Variants in LSM14A observed in about 807,000 individuals in gnomAD.
LSM14A encodes the protein protein LSM14 homolog A.
A neutral mutation model predicts 52.4 loss-of-function variants in LSM14A; 14 were observed. That is an observed-to-expected ratio of 0.27 (90% CI 0.18 to 0.42). The LOEUF is 0.42. Among genes scored for constraint, LSM14A ranks in the 10% least tolerant of loss-of-function variants. The pLI is 1.00. For missense variants in LSM14A, 417 were observed against 581.8 expected, an observed-to-expected ratio of 0.72 and a Z score of 2.91; for synonymous variants, 185 against 200.3, an observed-to-expected ratio of 0.92 and a Z score of 0.64.
At chr19:34,175,874 T>G (rs1044045030) in intron 1 of LSM14A, among the ~76,000 whole-genome samples, 2 of 152,116 alleles carry the variant, frequency 1.3e-5, no homozygotes, top group African/African-American at 4.8e-5. Flanking sequence ...TGTTGTTGTT[T>G]TGAGACAGAG....
Position 34,227,385 on chromosome 19 carries a change from A to G in LSM14A, c.1389A>G (p.Ala463=). The G allele has an allele frequency of 6.3e-7, 1 of 1,597,372 alleles. No homozygotes were observed. The highest frequency in any genetic ancestry group is 8.5e-7 in the Non-Finnish European group (1 of 1,173,620). The change falls in exon 10 of 10, where the codon GCA becomes GCG. Residue 463 remains alanine, a synonymous_variant. Coordinates refer to ENST00000544216, the MANE Select transcript of LSM14A (RefSeq NM_015578.4). Reference sequence around the variant, plus strand: ...TTTAGAAAGACAACAAAGTTGCTGCATAGTCTACAAACAAGTCTCTGAAAA... The same window carrying G: ...TTTAGAAAGACAACAAAGTTGCTGCGTAGTCTACAAACAAGTCTCTGAAAA... The part of the protein sequence containing the change: ...FEYRKDNKVA[A]
intron 8 of LSM14A, chr19:34,221,247 T>C: frequency 2.3e-6 from 1 of 442,682 alleles, no homozygotes; most frequent in Non-Finnish European, 4.1e-6. Flanking sequence ...CATGCCCAGC[T>C]ATTTTTTGTA....
Position 34,221,487 on chromosome 19 carries a change from A to T in LSM14A, c.1137-20A>T. On this transcript the variant is annotated intron_variant, in intron 8 of 9. Coordinates refer to ENST00000544216, the MANE Select transcript of LSM14A (RefSeq NM_015578.4). ...TTCTTTTAAACCTGATATGCTGAAGATTATTTGCTTTTATAATAGAGAACG... is the reference window on the plus strand; with the variant it reads ...TTCTTTTAAACCTGATATGCTGAAGTTTATTTGCTTTTATAATAGAGAACG... 6.2e-7 allele frequency: 1 copy of T among 1,606,708 alleles called. No homozygotes were observed. Among genetic ancestry groups the T allele is most frequent in the Non-Finnish European group, 8.5e-7 (1 of 1,175,994 alleles).
intron 1 of LSM14A, 110 bp downstream of exon 1, chr19:34,172,873 G>T: frequency 7.7e-7 from 1 of 1,291,918 alleles, no homozygotes; most frequent in Non-Finnish European, 1.0e-6. Context: ...GTCGAGCTCC[G>T]GGAGGCCTCT....
At chr19:34,219,322 T>A (rs1210728313) in intron 6 of LSM14A, 69 bp from the exon 7 acceptor site, 1 of 1,022,976 alleles carries the variant, frequency 9.8e-7, no homozygotes, top group East Asian at 2.5e-5. Flanking sequence ...AAGAGCACAA[T>A]AGCAACATCT....
At chr19:34,191,524 C>T (rs1402437964) in intron 1 of LSM14A, among the ~76,000 whole-genome samples, 1 of 151,232 alleles carries the variant, frequency 6.6e-6, no homozygotes, top group African/African-American at 2.4e-5. Flanking sequence ...TCCCTCTTTT[C>T]TTCCCTTCTT....
At chr19:34,213,223 A>G (rs907970740) in intron 4 of LSM14A, among the ~76,000 whole-genome samples, 1 of 151,342 alleles carries the variant, frequency 6.6e-6, no homozygotes, top group African/African-American at 2.5e-5. Context: ...GCCAAAACTT[A>G]CATAAACCAT....
Position 34,227,758 on chromosome 19 carries a change from G to A in LSM14A, c.*370G>A, listed in dbSNP as rs1162708565. On this transcript the variant is annotated 3_prime_UTR_variant, in exon 10 of 10. Coordinates refer to ENST00000544216, the MANE Select transcript of LSM14A (RefSeq NM_015578.4). ...GCAATTGCAAGTTGCCTGCAGATAG[G>A]GCCGTGATACTGTGTTTTGAGCCAC... 4.0e-5 allele frequency: 8 copies of A among 201,466 alleles called. No homozygotes were observed. The South Asian group carries it at 8.5e-4, about 21-fold the overall frequency. 12.5% of individuals were successfully genotyped at this position (201,466 alleles called of 1,614,324 possible).
In LSM14A at chr19:34,177,959, G is replaced by A. The variant is rs150508080; in HGVS notation, c.121+5196G>A. Among the ~76,000 whole-genome samples the A allele has an allele frequency of 3.4e-3, 523 of 152,136 alleles. 5 individuals carry two copies. The highest frequency in any genetic ancestry group is 0.012 in the African/African-American group (495 of 41,490). ...GCGAATCACCTGAAGTCAGAAGCTCGAGACCAGTCTGGCCAACATGGCGAA... is the reference window on the plus strand; with the variant it reads ...GCGAATCACCTGAAGTCAGAAGCTCAAGACCAGTCTGGCCAACATGGCGAA... On this transcript the variant is annotated intron_variant, in intron 1 of 9. Coordinates refer to ENST00000544216, the MANE Select transcript of LSM14A (RefSeq NM_015578.4).
At chr19:34,180,424 A>G (rs117874341) in intron 1 of LSM14A, among the ~76,000 whole-genome samples, 2,631 of 152,262 alleles carry the variant, frequency 0.017, 34 homozygotes, top group South Asian at 0.034. Context: ...CATCTTTTCA[A>G]TAGGGATGGA....
chr19:34,172,942 C>T (rs993406965), intron 1 of LSM14A, among the ~76,000 whole-genome samples, 179 bp downstream of exon 1: 2 of 152,184 alleles, frequency 1.3e-5, no homozygotes, highest in Non-Finnish European at 2.9e-5. Context: ...CCGCGGCTCC[C>T]TGGTTTCCGC....
chr19:34,173,188 T>C (rs535520023), intron 1 of LSM14A, among the ~76,000 whole-genome samples: 119 of 152,362 alleles, frequency 7.8e-4, no homozygotes, highest in Non-Finnish European at 7.3e-5. Flanking sequence ...CTCACTTTGT[T>C]CATTTCAATT....
chr19:34,226,624 A>C (rs1263868267), intron 9 of LSM14A, among the ~76,000 whole-genome samples: 1 of 152,192 alleles, frequency 6.6e-6, no homozygotes, highest in South Asian at 2.1e-4. Context: ...GATGAAGTTA[A>C]GTCTCACCTA....
chr19:34,224,971 T>G (rs2145906754), intron 9 of LSM14A, among the ~76,000 whole-genome samples: 1 of 152,340 alleles, frequency 6.6e-6, no homozygotes, highest in South Asian at 2.1e-4. Flanking sequence ...CTTCCTACAC[T>G]GATTTCCTCC....
chr19:34,175,341 C>T (rs1486922286), intron 1 of LSM14A, among the ~76,000 whole-genome samples: 1 of 152,102 alleles, frequency 6.6e-6, no homozygotes, highest in African/African-American at 2.4e-5. Context: ...AGCAATTCTC[C>T]TGCCTCAGCC....
chr19:34,213,849 C>T (rs193225938), intron 4 of LSM14A, among the ~76,000 whole-genome samples: 54 of 152,316 alleles, frequency 3.5e-4, no homozygotes, highest in African/African-American at 1.3e-3. Flanking sequence ...GGACCGATCT[C>T]GGCTCACTAC....
chr19:34,226,894 C>A (rs946375303), intron 9 of LSM14A, among the ~76,000 whole-genome samples: 5 of 152,156 alleles, frequency 3.3e-5, no homozygotes, highest in Admixed American at 6.6e-5. Flanking sequence ...GATTTTTAAA[C>A]CATTGCTTCC....
Position 34,228,180 on chromosome 19 carries a change from T to C in LSM14A, c.*792T>C, listed in dbSNP as rs1366052216. The C allele has an allele frequency of 1.3e-5, 2 of 152,566 alleles. No homozygotes were observed. The highest frequency in any genetic ancestry group is 4.8e-5 in the African/African-American group (2 of 41,434). The allele number at this position is 152,566 out of a possible 1,614,324, so 9.5% of individuals were successfully genotyped here. The stretch of plus-strand genomic sequence containing the variant: ...TTTTCTTAGTTTTCCAGGCTTAACA[T>C]TTTTGATTTTGTTTTTTAATGTTTG... On this transcript the variant is annotated 3_prime_UTR_variant, in exon 10 of 10. Coordinates refer to ENST00000544216, the MANE Select transcript of LSM14A (RefSeq NM_015578.4).
rs948575026 is a variant in LSM14A, at chr19:34,228,399, C to T, written c.*1011C>T. On this transcript the variant is annotated 3_prime_UTR_variant, in exon 10 of 10. Coordinates refer to ENST00000544216, the MANE Select transcript of LSM14A (RefSeq NM_015578.4). ...GCTGTATTTTCAAATAAGTAATCTT[C>T]CCCCCTTTTGTAGGACTTTAAAACT... 3.3e-5 allele frequency: 5 copies of T among 152,572 alleles called. No individual in the cohort carries two copies. Among genetic ancestry groups the T allele is most frequent in the East Asian group, 1.9e-4 (1 of 5,202 alleles). The allele number at this position is 152,572 out of a possible 1,614,324, so 9.5% of individuals were successfully genotyped here. A position where few individuals can be genotyped will look rare whatever the true frequency, so the allele number is the denominator to read the frequency against.
Sources: allele counts gnomAD v4.1 joint callset (sites outside exome capture counted in the v4.1 genomes callset), GRCh38; gene constraint gnomAD v4.1.1; transcripts MANE v1.5; gene names NCBI Gene and HGNC (gene_info 2026-07-23, HGNC 2026-07-21).